The following RFX5 variants were observed in gnomAD, a reference collection of about 807,000 sequenced individuals.
RFX5 encodes regulatory factor X5.
In RFX5, 30 loss-of-function variants were observed where a neutral mutation model predicts 41.2. The ratio of observed to expected loss-of-function variants is 0.73; its 90% confidence interval spans 0.54 to 0.99. The LOEUF is 0.99. Ranked by LOEUF, RFX5 falls within the 50% of genes least tolerant of loss-of-function variation. RFX5 has a pLI of 0.00. For missense variants in RFX5, 715 were observed against 773.6 expected, an observed-to-expected ratio of 0.92 and a Z score of 0.90; for synonymous variants, 231 against 291.8, an observed-to-expected ratio of 0.79 and a Z score of 2.12.
At position 151,344,447 on chromosome 1, in the gene RFX5, G is replaced by A. The variant is rs373445353; in HGVS notation, c.443C>T (p.Ala148Val). The A allele has an allele frequency of 6.2e-7, 1 of 1,614,198 alleles. No individual in the cohort carries two copies. The highest frequency in any genetic ancestry group is 2.2e-5 in the East Asian group (1 of 44,886). ...CTGGCCCCGGCCACCAAGCCTTCGA[G>A]CTTTGATGTCAGGGAAGATCTCTCT... is the stretch of plus-strand genomic sequence containing the variant. ...IIREIFPDIKARRLGGRGQSK... is the reference protein window; with the variant it reads ...IIREIFPDIKVRRLGGRGQSK... Residue 148 changes from alanine to valine, a missense_variant, in exon 7 of 11, where the codon GCT (alanine) becomes GTT (valine). Coordinates refer to ENST00000452671, the MANE Select transcript of RFX5 (RefSeq NM_001025603.2).
chr1:151,341,348 T>C lies in RFX5; in HGVS notation c.*838A>G, dbSNP rs552790524. ...GACTGAGGAGAAAAGAAAGCAGGTC[T>C]AGCTGATCTCAACTTAGCAAGCTAA... On this transcript the variant is annotated 3_prime_UTR_variant, in exon 11 of 11. Coordinates refer to ENST00000452671, the MANE Select transcript of RFX5 (RefSeq NM_001025603.2). The C allele has an allele frequency of 1.9e-3, 291 of 152,756 alleles. 1 individual carries two copies. The highest frequency in any genetic ancestry group is 6.8e-3 in the Middle Eastern group (2 of 294). 9.5% of individuals were successfully genotyped at this position (152,756 alleles called of 1,614,324 possible).
Position 151,343,384 on chromosome 1 carries a change from G to T in RFX5, c.816C>A (p.Asn272Lys). 6.2e-7 allele frequency: 1 copy of T among 1,613,754 alleles called. No homozygotes were observed. The change falls in exon 10 of 11, where the codon AAC (asparagine) becomes AAA (lysine). Residue 272 changes from asparagine to lysine, a missense_variant. By Grantham distance (94) the Asn-to-Lys change is moderately conservative. Transcript: ENST00000452671. ...GCTTCTTGTGGGCTCCACCCTCTGGGTTCTCTAAACCATTCTTTGGTTTAG... is the reference window on the plus strand; with the variant it reads ...GCTTCTTGTGGGCTCCACCCTCTGGTTTCTCTAAACCATTCTTTGGTTTAG... ...RSSKPKNGLENPEGGAHKKPE... is the reference protein window; with the variant it reads ...RSSKPKNGLEKPEGGAHKKPE...
chr1:151,344,451 T>C lies in RFX5; in HGVS notation c.439A>G (p.Lys147Glu). ...KIIREIFPDI[K>E]ARRLGGRGQS... Reference sequence around the variant, plus strand: ...CCCCGGCCACCAAGCCTTCGAGCTTTGATGTCAGGGAAGATCTCTCTGATG... The same window carrying C: ...CCCCGGCCACCAAGCCTTCGAGCTTCGATGTCAGGGAAGATCTCTCTGATG... Residue 147 changes from lysine to glutamate, a missense_variant, in exon 7 of 11, where the codon AAA becomes GAA. Lys to Glu is a moderately conservative substitution (Grantham distance 56). Coordinates refer to ENST00000452671, the MANE Select transcript of RFX5 (RefSeq NM_001025603.2). The C allele has an allele frequency of 1.2e-6, 2 of 1,614,184 alleles. No individual in the cohort carries two copies. The highest frequency in any genetic ancestry group is 1.7e-6 in the Non-Finnish European group (2 of 1,180,036).
In RFX5 at chr1:151,342,658, C is replaced by T. The variant is rs142053610; in HGVS notation, c.1379G>A (p.Ser460Asn). The part of the protein sequence containing the change: ...AAKQDIEDTA[S>N]DAKRKRGRPR... Reference sequence around the variant, plus strand: ...GCGCCCCCGTTTCCTTTTGGCATCACTTGCTGTATCCTCTATATCCTGCTT... The same window carrying T: ...GCGCCCCCGTTTCCTTTTGGCATCATTTGCTGTATCCTCTATATCCTGCTT... Residue 460 changes from serine to asparagine, a missense_variant, in exon 11 of 11, where the codon AGT (serine) becomes AAT (asparagine). By Grantham distance (46) the Ser-to-Asn change is conservative. Transcript: ENST00000452671. 440 of 1,614,252 alleles carry T rather than the reference C, an allele frequency of 2.7e-4. No homozygotes were observed. In the African/African-American group the frequency reaches 5.2e-3, roughly 19 times the overall value.
Position 151,342,112 on chromosome 1 carries a change from A to G in RFX5, c.*74T>C. On this transcript the variant is annotated 3_prime_UTR_variant, in exon 11 of 11. Transcript: ENST00000452671. ...TTAGGAAAAGAATAGCCAAATGAGA[A>G]GCAAGTGCAAAGAAGGGCCTCTACT... is the stretch of plus-strand genomic sequence containing the variant. 6.2e-7 allele frequency: 1 copy of G among 1,601,326 alleles called. No individual in the cohort carries two copies. The highest frequency in any genetic ancestry group is 8.6e-7 in the Non-Finnish European group (1 of 1,168,610).
Position 151,342,357 on chromosome 1 carries a change from C to G in RFX5, c.1680G>C (p.Leu560Phe). 6.2e-7 allele frequency: 1 copy of G among 1,614,134 alleles called. No homozygotes were observed. The highest frequency in any genetic ancestry group is 8.5e-7 in the Non-Finnish European group (1 of 1,180,022). ...TGATGACACTCACTTTTGAGGGGAC[C>G]AAGGGAATTTTATCTTCTGCTTCTT... Reference protein sequence around the residue: ...HTKEAEDKIPLVPSKVSVIKG... With the variant: ...HTKEAEDKIPFVPSKVSVIKG... Residue 560 changes from leucine (L) to phenylalanine (F), a missense_variant, in exon 11 of 11, where the codon TTG becomes TTC. By Grantham distance (22) the Leu-to-Phe change is conservative. Coordinates refer to ENST00000452671, the MANE Select transcript of RFX5 (RefSeq NM_001025603.2).
rs1285905447 is a variant in RFX5, at chr1:151,345,971, AGAG to A, written c.117-13_117-11del. ...GTTCTGCACGGCCTTGCTGTGGGGA[AGAG>A]GAGAAAGCTGGAGGTCACACACAAG... is the stretch of plus-strand genomic sequence containing the variant. On this transcript the variant is annotated splice_polypyrimidine_tract_variant and intron_variant, in intron 3 of 10. Transcript: ENST00000452671. 3.7e-6 allele frequency: 6 copies of A among 1,614,020 alleles called. No individual in the cohort carries two copies. The highest frequency in any genetic ancestry group is 5.1e-6 in the Non-Finnish European group (6 of 1,180,020).
At chr1:151,343,975 G>A in intron 8 of RFX5, 93 bp from the exon 9 acceptor site, 1 of 1,391,926 alleles carries the variant, frequency 7.2e-7, no homozygotes, top group East Asian at 2.4e-5. Context: ...GACCAAAGCT[G>A]AGACCAGACT....
chr1:151,342,117 G>A lies in RFX5; in HGVS notation c.*69C>T. 3 of 1,605,194 alleles carry A rather than the reference G, an allele frequency of 1.9e-6. No individual in the cohort carries two copies. The highest frequency in any genetic ancestry group is 4.5e-5 in the East Asian group (2 of 44,838). On this transcript the variant is annotated 3_prime_UTR_variant, in exon 11 of 11. Coordinates refer to ENST00000452671, the MANE Select transcript of RFX5 (RefSeq NM_001025603.2). ...AAAAGAATAGCCAAATGAGAAGCAAGTGCAAAGAAGGGCCTCTACTAGGCA... is the reference window on the plus strand; with the variant it reads ...AAAAGAATAGCCAAATGAGAAGCAAATGCAAAGAAGGGCCTCTACTAGGCA...
At chr1:151,344,373 T>C in intron 7 of RFX5, 44 bp downstream of exon 7, 2 of 1,614,166 alleles carry the variant, frequency 1.2e-6, no homozygotes, top group Non-Finnish European at 1.7e-6. Flanking sequence ...ATCCTAAGTC[T>C]TCCTCCCAGG....
At position 151,345,199 on chromosome 1, in the gene RFX5, A is replaced by G; in HGVS notation, c.151-11T>C. The G allele has an allele frequency of 6.2e-7, 1 of 1,609,014 alleles. No homozygotes were observed. The highest frequency in any genetic ancestry group is 8.5e-7 in the Non-Finnish European group (1 of 1,175,462). ...TTTCTGTACATCTTGCTGAGGTAGG[A>G]GAGAACAGAGGCAGGAGAAATAATA... On this transcript the variant is annotated splice_polypyrimidine_tract_variant and intron_variant, in intron 4 of 10. Transcript: ENST00000452671.
chr1:151,345,338 G>A (rs948542047), intron 4 of RFX5, 150 bp from the exon 5 acceptor site: 20 of 646,484 alleles, frequency 3.1e-5, no homozygotes, highest in East Asian at 2.5e-4. Flanking sequence ...GGCCGGGCAC[G>A]GTGGCTCACG....
chr1:151,342,454 GCC>G lies in RFX5; in HGVS notation c.1581_1582del (p.Ala528SerfsTer29). ...ATCTCCCTGACCCTGGGCAAGTACT[GCC>G]CCCTTTTCAGCCTCTCCCATTGGCC... On this transcript the variant is annotated frameshift_variant, in exon 11 of 11. Transcript: ENST00000452671. LOFTEE classifies it high-confidence loss of function. 6.2e-7 allele frequency: 1 copy of G among 1,614,128 alleles called. No individual in the cohort carries two copies. Among genetic ancestry groups the G allele is most frequent in the Non-Finnish European group, 8.5e-7 (1 of 1,180,030 alleles).
At position 151,343,372 on chromosome 1, in the gene RFX5, T is replaced by A. The variant is rs2102062593; in HGVS notation, c.828A>T (p.Gly276=). ...CCAGTCTCTCTGGCTTCTTGTGGGCTCCACCCTCTGGGTTCTCTAAACCAT... is the reference window on the plus strand; with the variant it reads ...CCAGTCTCTCTGGCTTCTTGTGGGCACCACCCTCTGGGTTCTCTAAACCAT... The part of the protein sequence containing the change: ...PKNGLENPEG[G]AHKKPERLAQ... The change falls in exon 10 of 11, where the codon GGA becomes GGT. Residue 276 remains glycine (G), a synonymous_variant. Transcript: ENST00000452671. 6.2e-7 allele frequency: 1 copy of A among 1,613,582 alleles called. No homozygotes were observed. The highest frequency in any genetic ancestry group is 8.5e-7 in the Non-Finnish European group (1 of 1,180,018).
rs773904575 is a variant in RFX5, at chr1:151,346,190, G to A, written c.116+15C>T. The A allele has an allele frequency of 6.2e-7, 1 of 1,611,326 alleles. No individual in the cohort carries two copies. Among genetic ancestry groups the A allele is most frequent in the South Asian group, 1.1e-5 (1 of 91,020 alleles). ...CAGGTCTTGGACAGGACTTGGAGAT[G>A]TGATGAGTACTTACGAAATGGTACC... On this transcript the variant is annotated intron_variant, in intron 3 of 10. Transcript: ENST00000452671.
At position 151,342,079 on chromosome 1, in the gene RFX5, G is replaced by A; in HGVS notation, c.*107C>T. The stretch of plus-strand genomic sequence containing the variant: ...CTCAGCTGTCTGTACAGAGGAGAAT[G>A]GACTTCCTTAGGAAAAGAATAGCCA... On this transcript the variant is annotated 3_prime_UTR_variant, in exon 11 of 11. Coordinates refer to ENST00000452671, the MANE Select transcript of RFX5 (RefSeq NM_001025603.2). 1 of 1,511,534 alleles carries A rather than the reference G, an allele frequency of 6.6e-7. No homozygotes were observed. The highest frequency in any genetic ancestry group is 1.7e-5 in the Admixed American group (1 of 59,058). The allele number at this position is 1,511,534 out of a possible 1,614,324, so 93.6% of individuals were successfully genotyped here.
In RFX5 at chr1:151,345,784, G is replaced by A; in HGVS notation, c.150+144C>T. 3 of 1,126,216 alleles carry A rather than the reference G, an allele frequency of 2.7e-6. No homozygotes were observed. The South Asian group carries it at 3.8e-5, about 14-fold the overall frequency. The allele number at this position is 1,126,216 out of a possible 1,614,324, so 69.8% of individuals were successfully genotyped here. A position where few individuals can be genotyped will look rare whatever the true frequency, so the allele number is the denominator to read the frequency against. On this transcript the variant is annotated intron_variant, in intron 4 of 10. Transcript: ENST00000452671. ...TGAGAGGCACAAAGTCAAACTGGCA[G>A]CAAGTTTGCAAAGCCAACTATCTTC...
Position 151,342,235 on chromosome 1 carries a change from T to C in RFX5, c.1802A>G (p.Gln601Arg). 6.2e-7 allele frequency: 1 copy of C among 1,614,240 alleles called. No individual in the cohort carries two copies. ...GNKDLKEHVLQSSLSQEHKDP... is the reference protein window; with the variant it reads ...GNKDLKEHVLRSSLSQEHKDP... ...TTTATGCTCCTGGGATAAGGAACTT[T>C]GAAGCACATGCTCCTTTAAGTCTTT... The change falls in exon 11 of 11, where the codon CAA (glutamine) becomes CGA (arginine). Residue 601 changes from glutamine (Q) to arginine (R), a missense_variant. Gln to Arg is a conservative substitution (Grantham distance 43). Coordinates refer to ENST00000452671, the MANE Select transcript of RFX5 (RefSeq NM_001025603.2).
rs1169884159 is a variant in RFX5 at position 151,343,746 on chromosome 1, A to G, written c.692T>C (p.Leu231Pro). Residue 231 changes from leucine (L) to proline (P), a missense_variant, in exon 9 of 11, where the codon CTA becomes CCA. Leu to Pro is a moderately conservative substitution (Grantham distance 98). Coordinates refer to ENST00000452671, the MANE Select transcript of RFX5 (RefSeq NM_001025603.2). ...TCGGGCAGAGATGAGATGCTGCTGT[A>G]GCAGGAAGCGGGCGACCTCAACGAT... ...SSIVEVARFL[L>P]QQHLISARSA... 1 of 1,614,128 alleles carries G rather than the reference A, an allele frequency of 6.2e-7. No homozygotes were observed. The highest frequency in any genetic ancestry group is 8.5e-7 in the Non-Finnish European group (1 of 1,180,034).
Sources: gnomAD v4.1 joint callset for allele counts on GRCh38, gnomAD v4.1.1 for gene constraint, MANE v1.5 for transcripts, NCBI Gene and HGNC (gene_info 2026-07-23, HGNC 2026-07-21) for gene names.